The following WWOX variants were observed in gnomAD, a reference collection of about 807,000 sequenced individuals.
The protein encoded by WWOX is WW domain-containing oxidoreductase.
Under a neutral mutation model 46.2 loss-of-function variants are expected in WWOX, and 69 were observed. The observed-to-expected ratio is 1.49, with a 90% CI of 1.23 to 1.82. The LOEUF is 1.82. Ranked by LOEUF, WWOX falls within the 40% of genes most tolerant of loss-of-function variation. WWOX has a pLI of 0.00. For missense variants in WWOX, 919 were observed against 542.6 expected (o/e 1.69, Z -6.89); for synonymous variants, 359 against 202.6 (o/e 1.77, Z -6.56).
chr16:78,842,908 C>G (rs1288026739), intron 8 of WWOX, among the ~76,000 whole-genome samples: 1 of 149,614 alleles, frequency 6.7e-6, no homozygotes, highest in African/African-American at 2.4e-5. Context: ...AAAATACGCT[C>G]TCTAGAAAAA....
At chr16:78,385,644 C>A (rs1284815929) in intron 5 of WWOX, among the ~76,000 whole-genome samples, 1 of 152,152 alleles carries the variant, frequency 6.6e-6, no homozygotes, top group African/African-American at 2.4e-5. Context: ...CAGCTCCTGT[C>A]CATCCCTGAA....
At chr16:79,079,119 C>G (rs1285225693) in intron 8 of WWOX, among the ~76,000 whole-genome samples, 1 of 152,208 alleles carries the variant, frequency 6.6e-6, no homozygotes, top group Non-Finnish European at 1.5e-5. Flanking sequence ...TCCAAGGTAG[C>G]TGTACCTAGT....
chr16:78,997,834 G>T (rs1289785536), intron 8 of WWOX, among the ~76,000 whole-genome samples: 2 of 152,092 alleles, frequency 1.3e-5, no homozygotes, highest in East Asian at 3.9e-4. Context: ...CTGCCTTCCC[G>T]GGAATTTCTG....
intron 8 of WWOX, among the ~76,000 whole-genome samples, chr16:79,080,481 C>T (rs144695517): frequency 6.6e-6 from 1 of 152,310 alleles, no homozygotes; most frequent in Non-Finnish European, 1.5e-5. Context: ...TGCCACAAAT[C>T]AGCTGTTTAT....
At chr16:79,129,644 T>A (rs1444311781) in intron 8 of WWOX, among the ~76,000 whole-genome samples, 1 of 152,086 alleles carries the variant, frequency 6.6e-6, no homozygotes, top group East Asian at 1.9e-4. Flanking sequence ...GAAATTCATT[T>A]CACATTAGTT....
chr16:78,951,350 A>G (rs961100409), intron 8 of WWOX, among the ~76,000 whole-genome samples: 2 of 151,952 alleles, frequency 1.3e-5, no homozygotes, highest in Non-Finnish European at 2.9e-5. Context: ...GCTTCAAGCA[A>G]GAGTCCCACG....
chr16:78,525,676 G>C (rs148044432), intron 8 of WWOX: 190 of 152,018 alleles, frequency 1.2e-3, no homozygotes, highest in African/African-American at 4.4e-3. Flanking sequence ...CCCACCCAAG[G>C]ACAATGGTGG....
At chr16:78,847,736 G>A (rs1224973832) in intron 8 of WWOX, among the ~76,000 whole-genome samples, 1 of 151,780 alleles carries the variant, frequency 6.6e-6, no homozygotes, top group Non-Finnish European at 1.5e-5. Context: ...TAGGATTTGG[G>A]GAAGGTATGG....
At chr16:78,738,169 C>T (rs1006259514) in intron 8 of WWOX, among the ~76,000 whole-genome samples, 4 of 152,106 alleles carry the variant, frequency 2.6e-5, no homozygotes, top group Non-Finnish European at 5.9e-5. Flanking sequence ...GTGTGTCCGA[C>T]TCATAAAAGT....
At chr16:78,676,139 C>T (rs1432488177) in intron 8 of WWOX, among the ~76,000 whole-genome samples, 2 of 151,888 alleles carry the variant, frequency 1.3e-5, no homozygotes, top group Non-Finnish European at 2.9e-5. Flanking sequence ...ACTGAGAGCC[C>T]CCAAGGGTTC....
At chr16:78,785,393 G>A (rs919209342) in intron 8 of WWOX, among the ~76,000 whole-genome samples, 1 of 152,204 alleles carries the variant, frequency 6.6e-6, no homozygotes, top group African/African-American at 2.4e-5. Context: ...AGGACCCAAG[G>A]TGGTCTCACT....
intron 8 of WWOX, among the ~76,000 whole-genome samples, chr16:78,673,813 G>A (rs975647334): frequency 1.3e-5 from 2 of 151,974 alleles, no homozygotes; most frequent in Admixed American, 1.3e-4. Context: ...TATTTAAATA[G>A]TGCAAGATTT....
intron 6 of WWOX, among the ~76,000 whole-genome samples, chr16:78,411,850 T>A (rs1567556569): frequency 6.6e-6 from 1 of 152,160 alleles, no homozygotes; most frequent in Non-Finnish European, 1.5e-5. Context: ...GGATGGGGAT[T>A]CTTGTTCCTA....
chr16:79,147,457 A>G (rs1331673568), intron 8 of WWOX, among the ~76,000 whole-genome samples: 1 of 152,214 alleles, frequency 6.6e-6, no homozygotes, highest in East Asian at 1.9e-4. Context: ...GCTCAGTAGT[A>G]TTCCATGGTA....
chr16:79,053,202 G>A (rs1323467231), intron 8 of WWOX, among the ~76,000 whole-genome samples: 1 of 152,102 alleles, frequency 6.6e-6, no homozygotes, highest in Non-Finnish European at 1.5e-5. Context: ...AAACTAGATG[G>A]GGAGGCCAGG....
At chr16:78,237,445 AG>A (rs2037479232) in intron 5 of WWOX, 1 of 152,220 alleles carries the variant, frequency 6.6e-6, no homozygotes, top group Non-Finnish European at 1.5e-5. Flanking sequence ...TGAACATCAA[AG>A]GCAAGTAGTG....
At chr16:79,038,152 C>A (rs2047904056) in intron 8 of WWOX, among the ~76,000 whole-genome samples, 1 of 152,138 alleles carries the variant, frequency 6.6e-6, no homozygotes, top group South Asian at 2.1e-4. Context: ...AACCCCAGGA[C>A]AGGGTGAGAG....
chr16:78,656,942 G>T (rs186533777), intron 8 of WWOX, among the ~76,000 whole-genome samples: 3 of 152,268 alleles, frequency 2.0e-5, no homozygotes, highest in Admixed American at 2.0e-4. Context: ...GACCATCATG[G>T]CGTCTGGTCC....
chr16:78,670,926 G>A (rs1030790392), intron 8 of WWOX, among the ~76,000 whole-genome samples: 1 of 151,994 alleles, frequency 6.6e-6, no homozygotes, highest in African/African-American at 2.4e-5. Flanking sequence ...AGACAGAACA[G>A]AGACACCGAG....
Sources: allele counts gnomAD v4.1 joint callset (sites outside exome capture counted in the v4.1 genomes callset), GRCh38; gene constraint gnomAD v4.1.1; transcripts MANE v1.5; gene names NCBI Gene and HGNC (gene_info 2026-07-23, HGNC 2026-07-21).